The following PPP2R2C variants were observed in gnomAD, a reference collection of about 807,000 sequenced individuals.
The protein encoded by PPP2R2C is protein phosphatase 2 regulatory subunit Bgamma.
PPP2R2C carries 10 observed loss-of-function variants against 45.3 expected under a neutral mutation model. The ratio of observed to expected loss-of-function variants is 0.22; its 90% CI spans 0.14 to 0.37. The LOEUF is 0.37. PPP2R2C is among the 10% of genes least tolerant of loss of function. The pLI is 1.00. For missense variants in PPP2R2C, 308 were observed against 619.7 expected (o/e 0.50, Z 5.34); for synonymous variants, 257 against 245.4 (o/e 1.05, Z -0.44).
chr4:6,476,934 C>T (rs1424427026), upstream of PPP2R2C, among the ~76,000 whole-genome samples: 3 of 152,290 alleles, frequency 2.0e-5, no homozygotes, highest in Non-Finnish European at 4.4e-5. Context: ...TTATGAACAA[C>T]AATTCTGTGG....
At chr4:6,401,222 G>A (rs1188228411) in intron 1 of PPP2R2C, among the ~76,000 whole-genome samples, 2 of 152,030 alleles carry the variant, frequency 1.3e-5, no homozygotes, top group African/African-American at 4.8e-5. Flanking sequence ...ACCAACCCAG[G>A]TGAAGACTTT....
At chr4:6,555,852 C>T (rs921912765) in intron 1 of PPP2R2C, among the ~76,000 whole-genome samples, 2 of 152,326 alleles carry the variant, frequency 1.3e-5, no homozygotes, top group East Asian at 3.9e-4. Context: ...GCTGCCACAC[C>T]CAAAGTCACT....
chr4:6,436,694 T>A (rs1338272403), intron 1 of PPP2R2C, among the ~76,000 whole-genome samples: 1 of 152,222 alleles, frequency 6.6e-6, no homozygotes, highest in Non-Finnish European at 1.5e-5. Flanking sequence ...GTCCAGAGAA[T>A]AAATACAGGG....
At position 6,563,317 on chromosome 4, in the gene PPP2R2C, C is replaced by T. The variant is rs1725644777; in HGVS notation, c.-59+243G>A. Among the ~76,000 whole-genome samples the T allele has an allele frequency of 6.6e-6, 1 of 152,196 alleles. No homozygotes were observed. Among genetic ancestry groups the T allele is most frequent in the South Asian group, 2.1e-4 (1 of 4,838 alleles). On this transcript the variant is annotated intron_variant, in intron 1 of 9. Coordinates refer to the PPP2R2C transcript ENST00000506140. The surrounding 1 kb of genome is among the most constrained non-coding windows in gnomAD (Gnocchi z 5.8). ...CCGAGAGCACGCGCTCCGGAGGGAC[C>T]CCGGCACTTCGGACCCTAGCAGAGC...
intron 1 of PPP2R2C, among the ~76,000 whole-genome samples, chr4:6,556,602 AT>A (rs1725408259): frequency 6.6e-6 from 1 of 152,120 alleles, no homozygotes; most frequent in East Asian, 1.9e-4. Context: ...CTCTGCAGTC[AT>A]TTGAGAGGTC....
intron 1 of PPP2R2C, among the ~76,000 whole-genome samples, chr4:6,419,301 C>T (rs1047064319): frequency 1.2e-4 from 18 of 152,074 alleles, no homozygotes; most frequent in Admixed American, 1.2e-3. Context: ...TGGCATGTGC[C>T]TGTAATCCCA....
chr4:6,385,724 C>A (rs992651779), intron 1 of PPP2R2C, among the ~76,000 whole-genome samples: 3 of 152,120 alleles, frequency 2.0e-5, no homozygotes, highest in Admixed American at 6.5e-5. Flanking sequence ...CACCTGCCAC[C>A]ACACCCAGCT....
At chr4:6,408,404 G>C (rs1284340327) in intron 1 of PPP2R2C, among the ~76,000 whole-genome samples, 2 of 152,104 alleles carry the variant, frequency 1.3e-5, no homozygotes, top group Non-Finnish European at 2.9e-5. Flanking sequence ...CCACTGATTG[G>C]ATCAAGAGGT....
intron 1 of PPP2R2C, among the ~76,000 whole-genome samples, chr4:6,559,425 A>ACACG (rs1725507246): frequency 7.4e-6 from 1 of 135,944 alleles, no homozygotes; most frequent in Admixed American, 7.4e-5. Flanking sequence ...ACACACACAC[A>ACACG]CACACAGAAC....
chr4:6,504,031 A>G (rs961978742), intron 2 of PPP2R2C, among the ~76,000 whole-genome samples: 1 of 152,252 alleles, frequency 6.6e-6, no homozygotes, highest in African/African-American at 2.4e-5. Context: ...TTGGCCTGAG[A>G]GCAGTCCTCC....
At chr4:6,438,981 T>C (rs533004599) in intron 1 of PPP2R2C, among the ~76,000 whole-genome samples, 98 of 152,334 alleles carry the variant, frequency 6.4e-4, no homozygotes, top group African/African-American at 2.2e-3. Context: ...AGCTTCCATT[T>C]GGACAAAGGA....
chr4:6,377,936 T>C (rs550431308), intron 3 of PPP2R2C, among the ~76,000 whole-genome samples: 1 of 152,298 alleles, frequency 6.6e-6, no homozygotes, highest in Admixed American at 6.5e-5. Context: ...CTCCTCCCAC[T>C]GCCCCGCAAG....
At chr4:6,420,949 G>T in intron 1 of PPP2R2C, 4 of 985,174 alleles carry the variant, frequency 4.1e-6, no homozygotes, top group Non-Finnish European at 4.8e-6. Context: ...CACCTACCAG[G>T]CAGGCCTCAG....
intron 5 of PPP2R2C, among the ~76,000 whole-genome samples, chr4:6,371,783 G>C (rs1162575577): frequency 6.6e-6 from 1 of 152,204 alleles, no homozygotes; most frequent in African/African-American, 2.4e-5. Flanking sequence ...GCTTGTTGAT[G>C]TTAGTCACAG....
At chr4:6,548,308 C>T (rs1262500583) in intron 1 of PPP2R2C, among the ~76,000 whole-genome samples, 1 of 152,176 alleles carries the variant, frequency 6.6e-6, no homozygotes, top group East Asian at 1.9e-4. Flanking sequence ...CTCTGAGCCT[C>T]CCGGTCCCCC....
chr4:6,554,742 C>T (rs563946751), intron 1 of PPP2R2C, among the ~76,000 whole-genome samples: 2 of 151,734 alleles, frequency 1.3e-5, no homozygotes, highest in South Asian at 4.2e-4. Flanking sequence ...CACCTGTAAT[C>T]CCAGCTACTG....
At position 6,504,612 on chromosome 4, in the gene PPP2R2C, A is replaced by G. The variant is rs138982367; in HGVS notation, c.49+30659T>C. Among the ~76,000 whole-genome samples the G allele has an allele frequency of 6.6e-3, 1,008 of 152,338 alleles. 7 individuals carry two copies. The highest frequency in any genetic ancestry group is 0.023 in the African/African-American group (950 of 41,576). On this transcript the variant is annotated intron_variant, in intron 2 of 9. Transcript: ENST00000506140. ...TCAGCAAAGAAATAGAAACTACTAA[A>G]TAATAAATTAAATGGAAAATCTAGA...
intron 6 of PPP2R2C, among the ~76,000 whole-genome samples, chr4:6,344,694 G>C (rs1711664518): frequency 6.6e-6 from 1 of 152,118 alleles, no homozygotes; most frequent in African/African-American, 2.4e-5. Context: ...GTTTCTTATA[G>C]CTCACCACTC....
At chr4:6,423,993 G>A (rs1168644269) in intron 1 of PPP2R2C, among the ~76,000 whole-genome samples, 1 of 152,222 alleles carries the variant, frequency 6.6e-6, no homozygotes, top group Non-Finnish European at 1.5e-5. Flanking sequence ...GCTGTCCTGG[G>A]GCCAAGGCAC....
Sources: allele counts gnomAD v4.1 joint callset (sites outside exome capture counted in the v4.1 genomes callset), GRCh38; gene constraint gnomAD v4.1.1; non-coding constraint Gnocchi (gnomAD v3.1); transcripts MANE v1.5; gene names NCBI Gene and HGNC (gene_info 2026-07-23, HGNC 2026-07-21).